Variants in TCF4 observed in about 807,000 individuals in gnomAD.
TCF4 encodes the protein SL3-3 enhancer factor 2.
A neutral mutation model predicts 82.1 loss-of-function variants in TCF4; 3 were observed. That is an observed-to-expected ratio of 0.04 (90% CI 0.02 to 0.09). The LOEUF (loss-of-function observed/expected upper bound fraction) is 0.09, where lower values mean the gene tolerates loss of function less well. Ranked by LOEUF, TCF4 falls within the 10% of genes least tolerant of loss-of-function variation. The pLI is 1.00. For missense variants in TCF4, 518 were observed against 852.7 expected (o/e 0.61, Z 4.89); for synonymous variants, 276 against 309.6 (o/e 0.89, Z 1.14).
chr18:55,583,840 C>T (rs1905807576), intron 3 of TCF4, among the ~76,000 whole-genome samples: 2 of 151,998 alleles, frequency 1.3e-5, no homozygotes, highest in South Asian at 2.1e-4. Flanking sequence ...TTACATCAAA[C>T]ATGCATATTA....
chr18:55,516,842 C>T (rs1341320510), intron 3 of TCF4, among the ~76,000 whole-genome samples: 3 of 152,000 alleles, frequency 2.0e-5, no homozygotes, highest in African/African-American at 7.2e-5. Context: ...ACCAGGGAAG[C>T]CACATACCAT....
chr18:55,229,681 C>G (rs2047324322), intron 17 of TCF4: 1 of 154,692 alleles, frequency 6.5e-6, no homozygotes, highest in Non-Finnish European at 1.4e-5. Context: ...TCCCCATTAC[C>G]TTGCTTTGAA....
chr18:55,540,979 G>A (rs1460080179), intron 3 of TCF4, among the ~76,000 whole-genome samples: 1 of 151,980 alleles, frequency 6.6e-6, no homozygotes, highest in Non-Finnish European at 1.5e-5. Flanking sequence ...CCATTGCTAA[G>A]GTAATTGTGT....
chr18:55,498,724 C>T (rs1437369666), intron 3 of TCF4, among the ~76,000 whole-genome samples: 1 of 152,128 alleles, frequency 6.6e-6, no homozygotes, highest in Non-Finnish European at 1.5e-5. Flanking sequence ...ACTTCTAGCA[C>T]CAATGGCTTA....
intron 8 of TCF4, among the ~76,000 whole-genome samples, chr18:55,323,088 T>C (rs551579801): frequency 5.3e-5 from 8 of 152,270 alleles, no homozygotes; most frequent in African/African-American, 1.7e-4. Context: ...ATTTATTGTC[T>C]TTTAAAAATA....
intron 3 of TCF4, chr18:55,510,628 T>C (rs1365070532): frequency 2.6e-6 from 4 of 1,515,440 alleles, no homozygotes; most frequent in Non-Finnish European, 3.5e-6. Context: ...TCCCCCAATA[T>C]ATCTGGTGAT....
intron 2 of TCF4, among the ~76,000 whole-genome samples, chr18:55,604,483 T>C (rs1349597265): frequency 6.6e-6 from 1 of 152,162 alleles, no homozygotes; most frequent in African/African-American, 2.4e-5. Flanking sequence ...GAGGCCTGCT[T>C]GGAACTGGCT....
chr18:55,426,395 G>A (rs948285632), intron 5 of TCF4, among the ~76,000 whole-genome samples: 1 of 152,142 alleles, frequency 6.6e-6, no homozygotes, highest in Admixed American at 6.5e-5. Context: ...CAGGTGAAGA[G>A]AGAACCAAAT....
intron 3 of TCF4, among the ~76,000 whole-genome samples, chr18:55,543,057 A>T (rs1038162545): frequency 1.4e-4 from 22 of 152,050 alleles, no homozygotes; most frequent in African/African-American, 5.1e-4. Flanking sequence ...CAGAGGCTCA[A>T]AGAAGTTAAA....
At chr18:55,453,524 G>A (rs183073191) in intron 5 of TCF4, among the ~76,000 whole-genome samples, 112 of 152,176 alleles carry the variant, frequency 7.4e-4, no homozygotes, top group African/African-American at 2.6e-3. Flanking sequence ...TATTTAGAAG[G>A]TCTATACATC....
chr18:55,608,542 A>T (rs2097704315), intron 2 of TCF4, among the ~76,000 whole-genome samples: 1 of 152,138 alleles, frequency 6.6e-6, no homozygotes, highest in South Asian at 2.1e-4. Context: ...AGATGAGCAC[A>T]TTTATTTTTG....
chr18:55,526,851 T>C lies in TCF4; in HGVS notation c.145+58429A>G, dbSNP rs139066050. On this transcript the variant is annotated intron_variant, in intron 3 of 19. Transcript: ENST00000354452. ...ACCTTTGCTGGGTCACAAAATCCTC[T>C]TGCTACCCAGATAAGCTCCACAGAT... is the stretch of plus-strand genomic sequence containing the variant. 1.3e-3 allele frequency among the ~76,000 whole-genome samples: 195 copies of C among 152,256 alleles called. 2 individuals are homozygous for C. The highest frequency in any genetic ancestry group is 4.4e-3 in the East Asian group (23 of 5,174).
intron 3 of TCF4, among the ~76,000 whole-genome samples, chr18:55,505,380 C>A (rs2096743098): frequency 6.6e-6 from 1 of 152,036 alleles, no homozygotes; most frequent in Non-Finnish European, 1.5e-5. Flanking sequence ...TCATTAATAA[C>A]ATAATAATTA....
intron 8 of TCF4, among the ~76,000 whole-genome samples, chr18:55,311,341 GTC>G (rs2072359367): frequency 6.6e-6 from 1 of 152,130 alleles, no homozygotes; most frequent in Non-Finnish European, 1.5e-5. Context: ...ACTTCTGAGG[GTC>G]TGTCTTGCAC....
In TCF4 at chr18:55,434,571, C is replaced by T. The variant is rs981005594; in HGVS notation, c.304+26448G>A. Among the ~76,000 whole-genome samples the T allele has an allele frequency of 1.4e-3, 211 of 151,850 alleles. 1 individual carries two copies. Among genetic ancestry groups the T allele is most frequent in the African/African-American group, 4.9e-3 (204 of 41,476 alleles). ...AGTAGCTGGGACTACAGGCACCCGC[C>T]ACCACGCCCGGCTAATTTTTTTTTT... is the stretch of plus-strand genomic sequence containing the variant. On this transcript the variant is annotated intron_variant, in intron 5 of 19. Coordinates refer to ENST00000354452, the MANE Select transcript of TCF4 (RefSeq NM_001083962.2).
intron 8 of TCF4, among the ~76,000 whole-genome samples, chr18:55,334,013 T>C (rs374669907): frequency 2.0e-5 from 3 of 152,306 alleles, no homozygotes; most frequent in East Asian, 3.9e-4. Flanking sequence ...TTGATTTACA[T>C]TGATCTCAAG....
intron 8 of TCF4, among the ~76,000 whole-genome samples, chr18:55,322,830 G>A (rs2075942451): frequency 6.6e-6 from 1 of 152,204 alleles, no homozygotes; most frequent in Non-Finnish European, 1.5e-5. Flanking sequence ...CCTTCGAACC[G>A]ACGAATATCT....
At chr18:55,497,928 C>A (rs2096655497) in intron 3 of TCF4, among the ~76,000 whole-genome samples, 1 of 152,130 alleles carries the variant, frequency 6.6e-6, no homozygotes, top group South Asian at 2.1e-4. Flanking sequence ...CTACAATGAA[C>A]ACAAAATTAA....
At chr18:55,380,024 T>G (rs1354358497) in intron 6 of TCF4, among the ~76,000 whole-genome samples, 2 of 152,122 alleles carry the variant, frequency 1.3e-5, no homozygotes, top group East Asian at 3.9e-4. Context: ...CAGAGGTATG[T>G]GTCACCACAT....
Sources: allele counts gnomAD v4.1 joint callset (sites outside exome capture counted in the v4.1 genomes callset), GRCh38; gene constraint gnomAD v4.1.1; transcripts MANE v1.5; gene names NCBI Gene and HGNC (gene_info 2026-07-23, HGNC 2026-07-21).